Variants in VSIG8 observed in about 807,000 individuals in gnomAD.
The protein encoded by VSIG8 is V-set and immunoglobulin domain-containing protein 8.
In VSIG8, 32 loss-of-function variants were observed where a neutral mutation model predicts 42.6. The observed-to-expected ratio is 0.75, with a 90% CI of 0.57 to 1.01. VSIG8 has a LOEUF of 1.01. VSIG8 is among the 50% of genes least tolerant of loss of function. The pLI, the probability that VSIG8 is intolerant of heterozygous loss-of-function variation, is 0.00. For synonymous variants in VSIG8, 290 were observed against 243.8 expected (o/e 1.19, Z -1.77); for missense variants, 529 against 558.0 (o/e 0.95, Z 0.52).
At position 159,855,574 on chromosome 1, in the gene VSIG8, C is replaced by T. The variant is rs954375914; in HGVS notation, c.971+309G>A. 7 of 985,198 alleles carry T rather than the reference C, an allele frequency of 7.1e-6. No homozygotes were observed. The African/African-American group carries it at 1.2e-4, about 17-fold the overall frequency. 61.0% of individuals were successfully genotyped at this position (985,198 alleles called of 1,614,324 possible). ...ATAATAATGTCAGAGTTCTTACCGGCGCAGTACAGGGGAAACGTGAAAAAA... is the reference window on the plus strand; with the variant it reads ...ATAATAATGTCAGAGTTCTTACCGGTGCAGTACAGGGGAAACGTGAAAAAA... On this transcript the variant is annotated intron_variant, in intron 6 of 6. Coordinates refer to ENST00000368100, the MANE Select transcript of VSIG8 (RefSeq NM_001013661.1).
intron 6 of VSIG8, chr1:159,855,539 C>G (rs1350354097): frequency 1.0e-6 from 1 of 985,122 alleles, no homozygotes; most frequent in Non-Finnish European, 1.2e-6. Flanking sequence ...TTATTATTAG[C>G]TCTTCTTAAA....
intron 1 of VSIG8, chr1:159,862,230 G>C (rs1649046879): frequency 2.3e-6 from 1 of 440,866 alleles, no homozygotes; most frequent in Non-Finnish European, 4.0e-6. Flanking sequence ...GAGCCCGACA[G>C]GGGACATATA....
intron 6 of VSIG8, 108 bp from the exon 7 acceptor site, chr1:159,855,134 C>A (rs535433854): frequency 1.9e-6 from 3 of 1,551,590 alleles, no homozygotes; most frequent in African/African-American, 2.7e-5. Context: ...TCCCGCGCCT[C>A]CCTCCACCTG....
At chr1:159,855,234 C>G in intron 6 of VSIG8, 1 of 1,551,486 alleles carries the variant, frequency 6.4e-7, no homozygotes, top group Non-Finnish European at 8.7e-7. Flanking sequence ...GCCAGCATCC[C>G]CATCCTCCAG....
Position 159,856,551 on chromosome 1 carries a change from C to T in VSIG8, c.745G>A (p.Val249Ile), listed in dbSNP as rs911190479. The T allele has an allele frequency of 6.2e-7, 1 of 1,614,176 alleles. No homozygotes were observed. Among genetic ancestry groups the T allele is most frequent in the Non-Finnish European group, 8.5e-7 (1 of 1,180,016 alleles). ...GAGACCTTCACCTCCACCACACAAACACTGTAGCCCACGTTGTTGGCCACT... is the reference window on the plus strand; with the variant it reads ...GAGACCTTCACCTCCACCACACAAATACTGTAGCCCACGTTGTTGGCCACT... ...CTVANNVGYS[V>I]CVVEVKVSDS... Residue 249 changes from valine (V) to isoleucine (I), a missense_variant, in exon 5 of 7, where the codon GTT becomes ATT. Val to Ile is a conservative substitution (Grantham distance 29). Transcript: ENST00000368100.
rs1648803652 is a variant in VSIG8 at position 159,855,931 on chromosome 1, C to A, written c.923G>T (p.Gly308Val). 1 of 1,568,782 alleles carries A rather than the reference C, an allele frequency of 6.4e-7. No homozygotes were observed. The highest frequency in any genetic ancestry group is 8.6e-7 in the Non-Finnish European group (1 of 1,157,808). Residue 308 changes from glycine to valine, a missense_variant, in exon 6 of 7, where the codon GGC (glycine) becomes GTC (valine). By Grantham distance (109) the Gly-to-Val change is moderately radical (BLOSUM62 -3). Transcript: ENST00000368100. ...GARGAFGYGN[G>V]GGVGGGACGD... ...GCAGGCCCCTCCGCCGACCCCGCCG[C>A]CGTTGCCGTAGCCGAAGGCACCGCG...
intron 6 of VSIG8, 107 bp downstream of exon 6, chr1:159,855,776 G>GC (rs1173278389): frequency 7.0e-7 from 1 of 1,421,164 alleles, no homozygotes; most frequent in Non-Finnish European, 9.2e-7. Flanking sequence ...GCGATGGCGG[G>GC]CAGGGTTGGG....
Position 159,856,064 on chromosome 1 carries a change from C to G in VSIG8, c.790G>C (p.Val264Leu). 6.2e-7 allele frequency: 1 copy of G among 1,611,876 alleles called. No individual in the cohort carries two copies. Reference protein sequence around the residue: ...VKVSDSRRIGVIIGIVLGSLL... With the variant: ...VKVSDSRRIGLIIGIVLGSLL... ...GAGCCCAGGACGATGCCGATGATCA[C>G]GCCTATACGCCGGGAGTCTGTGGAG... Residue 264 changes from valine (V) to leucine (L), a missense_variant, in exon 6 of 7, where the codon GTG becomes CTG. Transcript: ENST00000368100.
At chr1:159,856,773 A>ACC (rs1201301381) in intron 4 of VSIG8, 130 bp from the exon 5 acceptor site, 9 of 684,204 alleles carry the variant, frequency 1.3e-5, no homozygotes, top group African/African-American at 3.5e-5. Flanking sequence ...ACCCACACCC[A>ACC]CACACACACA....
At chr1:159,858,656 T>C in intron 2 of VSIG8, 78 bp downstream of exon 2, 1 of 1,503,104 alleles carries the variant, frequency 6.7e-7, no homozygotes, top group Non-Finnish European at 8.9e-7. Flanking sequence ...GTCAGTCTTC[T>C]CCCTTTGGGA....
intron 1 of VSIG8, chr1:159,862,272 C>A: frequency 1.8e-6 from 1 of 547,856 alleles, no homozygotes; most frequent in Non-Finnish European, 3.2e-6. Context: ...GCACTACAGA[C>A]ACACACCCTG....
In VSIG8 at chr1:159,856,013, C is replaced by T. The variant is rs145474161; in HGVS notation, c.841G>A (p.Val281Ile). ...CAGCAGACGAGCCCCCAGATGCCTA[C>T]GGCCAGGCAGCCCAGCGCGAGCAGA... The part of the protein sequence containing the change: ...GSLLALGCLA[V>I]GIWGLVCCCC... Residue 281 changes from valine to isoleucine, a missense_variant, in exon 6 of 7, where the codon GTA (valine) becomes ATA (isoleucine). By Grantham distance (29) the Val-to-Ile change is conservative. Transcript: ENST00000368100. 35 of 1,610,626 alleles carry T rather than the reference C, an allele frequency of 2.2e-5. 1 individual carries two copies. The highest frequency in any genetic ancestry group is 1.9e-4 in the South Asian group (17 of 90,528).
Position 159,855,997 on chromosome 1 carries a change from A to G in VSIG8, c.857T>C (p.Leu286Pro). 6.2e-7 allele frequency: 1 copy of G among 1,608,622 alleles called. No homozygotes were observed. Among genetic ancestry groups the G allele is most frequent in the Non-Finnish European group, 8.5e-7 (1 of 1,177,762 alleles). ...LGCLAVGIWG[L>P]VCCCCGGSGA... ...GGAGCCCCCGCAGCAGCAGCAGACG[A>G]GCCCCCAGATGCCTACGGCCAGGCA... Residue 286 changes from leucine to proline, a missense_variant, in exon 6 of 7, where the codon CTC becomes CCC. Physicochemically the swap from Leu to Pro is moderately conservative, Grantham distance 98. Transcript: ENST00000368100.
At chr1:159,855,526 T>C in intron 6 of VSIG8, 1 of 985,290 alleles carries the variant, frequency 1.0e-6, no homozygotes, top group Non-Finnish European at 1.2e-6. Flanking sequence ...ATTAGCACTA[T>C]TCTTATTATT....
intron 4 of VSIG8, 85 bp downstream of exon 4, chr1:159,857,660 C>T: frequency 8.7e-7 from 1 of 1,147,486 alleles, no homozygotes; most frequent in East Asian, 2.5e-5. Context: ...TTTGATGGCA[C>T]TGATAACCCA....
intron 1 of VSIG8, chr1:159,861,432 C>T (rs1649018191): frequency 2.0e-5 from 3 of 152,084 alleles, no homozygotes; most frequent in Admixed American, 2.0e-4. Flanking sequence ...GCTGAGTTGT[C>T]CTCACACACC....
At chr1:159,856,668 T>G (rs778126195) in intron 4 of VSIG8, 25 bp from the exon 5 acceptor site, 3 of 1,611,222 alleles carry the variant, frequency 1.9e-6, no homozygotes, top group South Asian at 2.2e-5. Flanking sequence ...GAGAGAGGCC[T>G]GGTCTCTGAG....
At position 159,862,487 on chromosome 1, in the gene VSIG8, A is replaced by C. The variant is rs752873263; in HGVS notation, c.35T>G (p.Val12Gly). 3 of 1,613,162 alleles carry C rather than the reference A, an allele frequency of 1.9e-6. No individual in the cohort carries two copies. The highest frequency in any genetic ancestry group is 2.5e-6 in the Non-Finnish European group (3 of 1,179,422). ...RVGGAFHLLL[V>G]CLSPALLSAV... ...CAGCCCCGTACCTGGGCTCAGGCAC[A>C]CGAGTAGAAGGTGGAATGCTCCTCC... The change falls in exon 1 of 7, where the codon GTG becomes GGG. Residue 12 changes from valine (V) to glycine (G), a missense_variant. Transcript: ENST00000368100.
In VSIG8 at chr1:159,855,943, C is replaced by A. The variant is rs989752003; in HGVS notation, c.911G>T (p.Gly304Val). 6.4e-7 allele frequency: 1 copy of A among 1,574,606 alleles called. No individual in the cohort carries two copies. Among genetic ancestry groups the A allele is most frequent in the African/African-American group, 1.4e-5 (1 of 73,958 alleles). The change falls in exon 6 of 7, where the codon GGC becomes GTC. Residue 304 changes from glycine to valine, a missense_variant. Physicochemically the swap from Gly to Val is moderately radical, Grantham distance 109 (BLOSUM62 -3). Transcript: ENST00000368100. The stretch of plus-strand genomic sequence containing the variant: ...GCCGACCCCGCCGCCGTTGCCGTAG[C>A]CGAAGGCACCGCGGGCGCCGCCAGC... Reference protein sequence around the residue: ...SGAGGARGAFGYGNGGGVGGG... With the variant: ...SGAGGARGAFVYGNGGGVGGG...
Sources: allele counts gnomAD v4.1 joint callset, GRCh38; gene constraint gnomAD v4.1.1; transcripts MANE v1.5; gene names NCBI Gene and HGNC (gene_info 2026-07-23, HGNC 2026-07-21).